Variants in BAZ2A observed in about 807,000 individuals in gnomAD.
BAZ2A encodes the protein bromodomain adjacent to zinc finger domain 2A.
A neutral mutation model predicts 199.9 loss-of-function variants in BAZ2A; 34 were observed. The ratio of observed to expected loss-of-function variants is 0.17; its 90% CI spans 0.13 to 0.23. BAZ2A has a LOEUF of 0.23. BAZ2A is among the 10% of genes least tolerant of loss of function. The pLI is 1.00. For synonymous variants in BAZ2A, 857 were observed against 883.9 expected, an observed-to-expected ratio of 0.97 and a Z score of 0.54; for missense variants, 2,002 against 2,391.1, an observed-to-expected ratio of 0.84 and a Z score of 3.39.
At chr12:56,603,448 A>G in intron 17 of BAZ2A, 30 bp from the exon 18 acceptor site, 1 of 1,613,946 alleles carries the variant, frequency 6.2e-7, no homozygotes, top group East Asian at 2.2e-5. Flanking sequence ...CATTATGAAA[A>G]AGGAGGTTAT....
intron 19 of BAZ2A, among the ~76,000 whole-genome samples, chr12:56,602,426 A>G (rs997159410): frequency 6.6e-6 from 1 of 152,226 alleles, no homozygotes; most frequent in Non-Finnish European, 1.5e-5. Flanking sequence ...TTGCGAAACA[A>G]CTACGGGTTA....
In BAZ2A at chr12:56,601,714, T is replaced by C. The variant is rs771053461; in HGVS notation, c.3903A>G (p.Gln1301=). The C allele has an allele frequency of 1.2e-6, 2 of 1,613,432 alleles. No homozygotes were observed. Among genetic ancestry groups the C allele is most frequent in the South Asian group, 1.1e-5 (1 of 91,034 alleles). Residue 1301 remains glutamine, a synonymous_variant, in exon 20 of 29, where the codon CAA becomes CAG. Transcript: ENST00000549884. ...CATCAGGCTCTGGCTCCTCCGGGGGTTGTGATGGAGCTGGGTCTAGTTTTC... is the reference window on the plus strand; with the variant it reads ...CATCAGGCTCTGGCTCCTCCGGGGGCTGTGATGGAGCTGGGTCTAGTTTTC... ...SPGKLDPAPS[Q]PPEEPEPDEA...
chr12:56,630,380 G>C (rs1213261679), upstream of BAZ2A: 1 of 655,260 alleles, frequency 1.5e-6, no homozygotes, highest in Non-Finnish European at 1.9e-6. Flanking sequence ...GTCTCCCCAC[G>C]CGGCCTCCGC....
chr12:56,628,177 C>CAAAAAAAAAA (rs57372528), intron 1 of BAZ2A, among the ~76,000 whole-genome samples: 1 of 28,370 alleles, frequency 3.5e-5, no homozygotes, highest in Non-Finnish European at 6.9e-5. Context: ...AACTCCGTCT[C>CAAAAAAAAAA]AAAAAAAAAA....
Position 56,613,986 on chromosome 12 carries a change from C to A in BAZ2A, c.883G>T (p.Asp295Tyr). The change falls in exon 4 of 29, where the codon GAC becomes TAC. Residue 295 changes from aspartate to tyrosine, a missense_variant. Transcript: ENST00000549884. ...QLEDTPILSE[D>Y]SLEPFNSLAP... Reference sequence around the variant, plus strand: ...AGAGAGTTGAAGGGCTCCAGAGAGTCTTCACTGAGGATTGGAGTGTCTTCC... The same window carrying A: ...AGAGAGTTGAAGGGCTCCAGAGAGTATTCACTGAGGATTGGAGTGTCTTCC... 1 of 1,613,972 alleles carries A rather than the reference C, an allele frequency of 6.2e-7. No homozygotes were observed. The highest frequency in any genetic ancestry group is 2.2e-5 in the East Asian group (1 of 44,880).
chr12:56,599,367 A>G lies in BAZ2A; in HGVS notation c.5173-9T>C. The G allele has an allele frequency of 6.2e-7, 1 of 1,609,914 alleles. No individual in the cohort carries two copies. The highest frequency in any genetic ancestry group is 1.1e-5 in the South Asian group (1 of 90,414). The stretch of plus-strand genomic sequence containing the variant: ...AATTCTCCCTCCACCTGCTTAGTAT[A>G]GGAAACAGGTGAGATTAGCAACAGC... On this transcript the variant is annotated splice_polypyrimidine_tract_variant and intron_variant, in intron 26 of 28. Transcript: ENST00000549884.
At chr12:56,635,037 G>A (rs1055049406), upstream of BAZ2A, 5 of 984,504 alleles carry the variant, frequency 5.1e-6, no homozygotes, top group Non-Finnish European at 6.0e-6. The surrounding 1 kb of genome is among the most constrained non-coding windows in gnomAD (Gnocchi z 4.1). Flanking sequence ...CCCAGCCCTG[G>A]GCCGGCGGCG....
Position 56,599,110 on chromosome 12 carries a change from C to T in BAZ2A, c.5402+19G>A. 6.2e-7 allele frequency: 1 copy of T among 1,603,634 alleles called. No individual in the cohort carries two copies. Among genetic ancestry groups the T allele is most frequent in the Admixed American group, 1.7e-5 (1 of 58,882 alleles). Reference sequence around the variant, plus strand: ...GCAGAGGTAGAGCCAACTGTCCCCCCAGGATTCACTCAACTCACTCGCAAA... The same window carrying T: ...GCAGAGGTAGAGCCAACTGTCCCCCTAGGATTCACTCAACTCACTCGCAAA... On this transcript the variant is annotated intron_variant, in intron 27 of 28. Coordinates refer to ENST00000549884, the MANE Select transcript of BAZ2A (RefSeq NM_001300905.2).
At chr12:56,604,316 G>A (rs1442416812) in intron 15 of BAZ2A, 25 bp from the exon 16 acceptor site, 1 of 1,591,598 alleles carries the variant, frequency 6.3e-7, no homozygotes, top group Non-Finnish European at 8.6e-7. Context: ...GGAATAGGAT[G>A]AAGTGGCAGC....
chr12:56,601,700 G>A lies in BAZ2A; in HGVS notation c.3917C>T (p.Pro1306Leu). The A allele has an allele frequency of 6.2e-7, 1 of 1,613,978 alleles. No individual in the cohort carries two copies. Among genetic ancestry groups the A allele is most frequent in the Non-Finnish European group, 8.5e-7 (1 of 1,179,878 alleles). Residue 1306 changes from proline (P) to leucine (L), a missense_variant, in exon 20 of 29, where the codon CCA becomes CTA. Physicochemically the swap from Pro to Leu is moderately conservative, Grantham distance 98 (BLOSUM62 -3). This residue lies in a region of BAZ2A where 1,081 missense variants were observed against 1,274.7 expected (regional missense o/e 0.85). Coordinates refer to ENST00000549884, the MANE Select transcript of BAZ2A (RefSeq NM_001300905.2). Reference protein sequence around the residue: ...DPAPSQPPEEPEPDEAESSPD... With the variant: ...DPAPSQPPEELEPDEAESSPD... ...GCTGGATTCTGCCTCATCAGGCTCT[G>A]GCTCCTCCGGGGGTTGTGATGGAGC...
chr12:56,633,570 T>C (rs1951370071), upstream of BAZ2A, among the ~76,000 whole-genome samples: 1 of 152,098 alleles, frequency 6.6e-6, no homozygotes. Context: ...GTTAACAGGA[T>C]CTGTCTAGCA....
chr12:56,609,081 T>C (rs1167851077), intron 10 of BAZ2A, among the ~76,000 whole-genome samples: 1 of 151,962 alleles, frequency 6.6e-6, no homozygotes, highest in Non-Finnish European at 1.5e-5. Context: ...GGTTTTACCA[T>C]GTTCGCCAGG....
At chr12:56,629,709 G>T (rs1592630265) in intron 1 of BAZ2A, among the ~76,000 whole-genome samples, 2 of 152,246 alleles carry the variant, frequency 1.3e-5, no homozygotes, top group East Asian at 3.9e-4. Context: ...CAAACGGAGC[G>T]TTTTAACCCG....
intron 3 of BAZ2A, 24 bp downstream of exon 3, chr12:56,614,990 C>T: frequency 1.9e-6 from 3 of 1,595,442 alleles, no homozygotes; most frequent in Non-Finnish European, 2.6e-6. Context: ...CCTTTCCCCA[C>T]CCAGTTCACC....
At chr12:56,630,641 G>T, upstream of BAZ2A, 1 of 471,884 alleles carries the variant, frequency 2.1e-6, no homozygotes, top group Non-Finnish European at 2.8e-6. Flanking sequence ...GGCTGGTAGG[G>T]GTAAGAGTCA....
chr12:56,604,150 C>T, intron 16 of BAZ2A, 67 bp downstream of exon 16: 2 of 1,465,016 alleles, frequency 1.4e-6, no homozygotes, highest in South Asian at 1.2e-5. Flanking sequence ...CAAGCCAAAA[C>T]CCTGGCTATG....
At chr12:56,612,837 G>T (rs1950605201) in intron 5 of BAZ2A, among the ~76,000 whole-genome samples, 178 bp downstream of exon 5, 1 of 152,180 alleles carries the variant, frequency 6.6e-6, no homozygotes, top group South Asian at 2.1e-4. Flanking sequence ...TGGCCAGGTG[G>T]TCTCAAACTC....
chr12:56,609,274 A>G (rs939499933), intron 10 of BAZ2A, among the ~76,000 whole-genome samples: 2 of 151,828 alleles, frequency 1.3e-5, no homozygotes, highest in Admixed American at 6.6e-5. Context: ...TCCTGGGCTC[A>G]AGTGATCCTC....
chr12:56,621,698 TTTC>T (rs1190126780), intron 1 of BAZ2A, among the ~76,000 whole-genome samples: 8 of 151,908 alleles, frequency 5.3e-5, no homozygotes, highest in Admixed American at 5.2e-4. Context: ...GTTTTTTTTT[TTTC>T]TTCTTGAGAC....
Sources: gnomAD v4.1 joint callset for allele counts (sites outside exome capture counted in the v4.1 genomes callset) on GRCh38, gnomAD v4.1.1 for gene constraint, gnomAD v4.1.1 regional missense constraint, Gnocchi (gnomAD v3.1) non-coding constraint, MANE v1.5 for transcripts, NCBI Gene and HGNC (gene_info 2026-07-23, HGNC 2026-07-21) for gene names.